CADPS: variants seen among roughly 807,000 people sequenced by gnomAD.
CADPS encodes the protein calcium-dependent secretion activator 1.
In CADPS, 57 loss-of-function variants were observed where a neutral mutation model predicts 167.3. That is an observed-to-expected ratio of 0.34 (90% confidence interval 0.28 to 0.42). The LOEUF (loss-of-function observed/expected upper bound fraction) is 0.42, where lower values mean the gene tolerates loss of function less well. CADPS is among the 20% of genes least tolerant of loss of function. The pLI is 1.00. For synonymous variants in CADPS, 676 were observed against 635.3 expected (o/e 1.06, Z -0.96); for missense variants, 1,414 against 1,738.1 (o/e 0.81, Z 3.32).
At chr3:62,799,627 T>C (rs1163340331) in intron 1 of CADPS, among the ~76,000 whole-genome samples, 1 of 152,156 alleles carries the variant, frequency 6.6e-6, no homozygotes, top group Non-Finnish European at 1.5e-5. Context: ...TCTGTGTATG[T>C]GACCCTGGGG....
intron 13 of CADPS, chr3:62,530,850 G>A: frequency 2.6e-6 from 3 of 1,144,244 alleles, no homozygotes; most frequent in South Asian, 3.6e-5. Context: ...CATGCACAGA[G>A]TGTGGCCAGC....
intron 1 of CADPS, among the ~76,000 whole-genome samples, chr3:62,866,856 G>A (rs189805646): frequency 1.6e-3 from 237 of 151,984 alleles, no homozygotes; most frequent in South Asian, 6.0e-3. Flanking sequence ...TTACAGATCA[G>A]GAAACTAAGA....
chr3:62,720,061 A>G (rs1442854385), intron 3 of CADPS, among the ~76,000 whole-genome samples: 18 of 152,204 alleles, frequency 1.2e-4, no homozygotes, highest in Admixed American at 9.8e-4. Flanking sequence ...ACAAAACACA[A>G]CAAAGAAATA....
At chr3:62,847,261 CTTTTTTTTTTTTTTTTT>C (rs1482149884) in intron 1 of CADPS, among the ~76,000 whole-genome samples, 1 of 133,066 alleles carries the variant, frequency 7.5e-6, no homozygotes, top group African/African-American at 2.9e-5. Flanking sequence ...GCAGCATTTT[CTTTTTTTTTTTTTTTTT>C]AACTTTTTTT....
At chr3:62,726,261 C>G (rs524879) in intron 3 of CADPS, among the ~76,000 whole-genome samples, 34,346 of 151,658 alleles carry the variant, frequency 0.23, 4,387 homozygotes, top group African/African-American at 0.31. Flanking sequence ...GGATGACAGG[C>G]ACAAAGATGT....
intron 6 of CADPS, among the ~76,000 whole-genome samples, chr3:62,640,814 G>C (rs984386654): frequency 1.3e-5 from 2 of 152,034 alleles, no homozygotes; most frequent in Non-Finnish European, 2.9e-5. Context: ...TTATTTAAGT[G>C]TTCCAGTATT....
At chr3:62,467,094 G>C (rs138170957) in intron 24 of CADPS, among the ~76,000 whole-genome samples, 1 of 152,130 alleles carries the variant, frequency 6.6e-6, no homozygotes, top group East Asian at 1.9e-4. Context: ...CATTTAAATA[G>C]TAATGTGAAG....
At chr3:62,739,512 A>T (rs1404699973) in intron 3 of CADPS, among the ~76,000 whole-genome samples, 1 of 152,186 alleles carries the variant, frequency 6.6e-6, no homozygotes, top group African/African-American at 2.4e-5. Flanking sequence ...ATCCCTTATA[A>T]AGGTAAGGGC....
intron 3 of CADPS, among the ~76,000 whole-genome samples, chr3:62,707,284 G>A (rs1289853926): frequency 6.6e-6 from 1 of 152,100 alleles, no homozygotes; most frequent in African/African-American, 2.4e-5. Flanking sequence ...ACTAATGCCT[G>A]ATGATCTGGG....
chr3:62,700,512 A>T (rs2081195411), intron 3 of CADPS, among the ~76,000 whole-genome samples: 1 of 152,122 alleles, frequency 6.6e-6, no homozygotes, highest in Non-Finnish European at 1.5e-5. Context: ...AATCCCTAAT[A>T]GTGAGTCATC....
intron 3 of CADPS, among the ~76,000 whole-genome samples, chr3:62,672,880 G>T (rs549063777): frequency 6.6e-6 from 1 of 152,174 alleles, no homozygotes; most frequent in Non-Finnish European, 1.5e-5. Flanking sequence ...CTCCTAGAGG[G>T]CTGGGATTAC....
chr3:62,779,652 CT>C, intron 1 of CADPS: 1 of 528,102 alleles, frequency 1.9e-6, no homozygotes, highest in Non-Finnish European at 3.9e-6. Context: ...AGGCTGTCTC[CT>C]TACCTGAGTG....
intron 1 of CADPS, among the ~76,000 whole-genome samples, chr3:62,832,402 A>G (rs1334919512): frequency 1.3e-5 from 2 of 152,212 alleles, no homozygotes; most frequent in South Asian, 4.1e-4. Context: ...CAGAATAATA[A>G]TGTCAAAGTT....
At position 62,433,571 on chromosome 3, in the gene CADPS, G is replaced by T. The variant is rs2054398712; in HGVS notation, c.3777+4533C>A. Among the ~76,000 whole-genome samples, 2 of 152,108 alleles carry T rather than the reference G, an allele frequency of 1.3e-5. No homozygotes were observed. The highest frequency in any genetic ancestry group is 4.8e-5 in the African/African-American group (2 of 41,422). On this transcript the variant is annotated intron_variant, in intron 28 of 29. Transcript: ENST00000383710. The surrounding 1 kb of genome is among the most constrained non-coding windows in gnomAD (Gnocchi z 4.7). ...TCATCTCCAGTCAAATGTTCCCTGG[G>T]CCTGGTTCCCAATGACACGGGGCCT...
rs61586697 is a variant in CADPS, at chr3:62,474,153, A to ATTTT, written c.3477+16_3477+19dup. ...AATGAAGAGGGAAAAAAAAATCTGT[A>ATTTT]TTTTTTTTTTTTTTTTTACCTCTTG... is the stretch of plus-strand genomic sequence containing the variant. On this transcript the variant is annotated intron_variant, in intron 24 of 29. Transcript: ENST00000383710. The ATTTT allele has an allele frequency of 2.8e-3, 2,102 of 739,840 alleles. 32 individuals carry two copies. The highest frequency in any genetic ancestry group is 8.8e-3 in the African/African-American group (280 of 31,914). The allele number at this position is 739,840 out of a possible 1,614,324, so 45.8% of individuals were successfully genotyped here.
At chr3:62,698,697 C>T (rs13078186) in intron 3 of CADPS, among the ~76,000 whole-genome samples, 1 of 148,020 alleles carries the variant, frequency 6.8e-6, no homozygotes, top group African/African-American at 2.5e-5. Flanking sequence ...ACCTTCTTCT[C>T]CTTCTTCCTC....
intron 9 of CADPS, among the ~76,000 whole-genome samples, chr3:62,566,796 C>T (rs1457673921): frequency 6.6e-6 from 1 of 152,120 alleles, no homozygotes; most frequent in Non-Finnish European, 1.5e-5. Flanking sequence ...AAATCTGATT[C>T]AGGCTGAAAC....
intron 4 of CADPS, among the ~76,000 whole-genome samples, chr3:62,658,667 C>G (rs2072358740): frequency 6.6e-6 from 1 of 152,146 alleles, no homozygotes; most frequent in Non-Finnish European, 1.5e-5. Context: ...TTGGGTACAT[C>G]TGGAGTGCTT....
Position 62,789,794 on chromosome 3 carries a change from G to A in CADPS, c.442-23810C>T, listed in dbSNP as rs893628490. On this transcript the variant is annotated intron_variant, in intron 1 of 29. Coordinates refer to ENST00000383710, the MANE Select transcript of CADPS (RefSeq NM_003716.4). ...TGAGAATGTGAATAATAACTCCAAA[G>A]AAAGTAATAATTATAATTAACGTGT... is the stretch of plus-strand genomic sequence containing the variant. 7.2e-5 allele frequency among the ~76,000 whole-genome samples: 11 copies of A among 152,254 alleles called. No individual in the cohort carries two copies. In the East Asian group the frequency reaches 1.2e-3, roughly 16 times the overall value.
Sources: gnomAD v4.1 joint callset for allele counts (sites outside exome capture counted in the v4.1 genomes callset) on GRCh38, gnomAD v4.1.1 for gene constraint, Gnocchi (gnomAD v3.1) non-coding constraint, MANE v1.5 for transcripts, NCBI Gene and HGNC (gene_info 2026-07-23, HGNC 2026-07-21) for gene names.